The following PIEZO1 variants were observed in gnomAD, a reference collection of about 807,000 sequenced individuals.
The protein encoded by PIEZO1 is piezo type mechanosensitive ion channel component 1 (Er blood group).
In PIEZO1, 296 loss-of-function variants were observed where a neutral mutation model predicts 297.2. That is an observed-to-expected ratio of 1.00 (90% CI 0.91 to 1.10). PIEZO1 has a LOEUF of 1.10. Among genes scored for constraint, PIEZO1 ranks in the 50% least tolerant of loss-of-function variants. The probability of loss-of-function intolerance (pLI) is 0.00; values close to 1 mark genes in which losing one functional copy is unlikely to be tolerated. For synonymous variants in PIEZO1, 2,427 were observed against 1,507.5 expected, an observed-to-expected ratio of 1.61 and a Z score of -14.13; for missense variants, 5,018 against 3,455.5, an observed-to-expected ratio of 1.45 and a Z score of -11.34.
Position 88,723,273 on chromosome 16 carries a change from T to G in PIEZO1, c.4391A>C (p.Gln1464Pro). 6.5e-7 allele frequency: 1 copy of G among 1,543,182 alleles called. No individual in the cohort carries two copies. The highest frequency in any genetic ancestry group is 2.4e-5 in the East Asian group (1 of 40,918). The change falls in exon 32 of 51, where the codon CAG (glutamine) becomes CCG (proline). Residue 1464 changes from glutamine to proline, a missense_variant. Transcript: ENST00000301015. Reference protein sequence around the residue: ...NAQAVLRRRQQEQEQARQEQA... With the variant: ...NAQAVLRRRQPEQEQARQEQA... ...TTCCTGCCTTGCCTGCTCCTGCTCC[T>G]GCTGCCGCCGCCTCAGCACCGCCTG...
At position 88,725,766 on chromosome 16, in the gene PIEZO1, G is replaced by A. The variant is rs372581707; in HGVS notation, c.3969-82C>T. 1.0e-4 allele frequency: 80 copies of A among 762,880 alleles called. No homozygotes were observed. In the East Asian group the frequency reaches 1.2e-3, roughly 12 times the overall value. 47.3% of individuals were successfully genotyped at this position (762,880 alleles called of 1,614,324 possible). ...GCAGCCGCCGCTCCCCGCTCAGCCC[G>A]GGACAGCTCAGCCTGCTCCTCTCTG... On this transcript the variant is annotated intron_variant, in intron 27 of 50. Coordinates refer to ENST00000301015, the MANE Select transcript of PIEZO1 (RefSeq NM_001142864.4).
rs191467831 is a variant in PIEZO1, at chr16:88,734,305, G to C, written c.2180+51C>G. The C allele has an allele frequency of 2.8e-6, 4 of 1,434,480 alleles. No homozygotes were observed. The African/African-American group carries it at 4.3e-5, about 15-fold the overall frequency. The allele number at this position is 1,434,480 out of a possible 1,614,324, so 88.9% of individuals were successfully genotyped here. On this transcript the variant is annotated intron_variant, in intron 16 of 50. Transcript: ENST00000301015. ...CAACTCCCACCTGGCTCCCTCCCTG[G>C]CCCAGGAGGCTACACCTCTCCAGGG...
intron 1 of PIEZO1, among the ~76,000 whole-genome samples, chr16:88,770,101 T>A (rs1467661307): frequency 1.3e-5 from 2 of 152,122 alleles, no homozygotes; most frequent in African/African-American, 4.8e-5. Flanking sequence ...GTGTTCTCCC[T>A]GCCCACACGC....
rs755136728 is a variant in PIEZO1 at position 88,742,137 on chromosome 16, G to A, written c.284-42C>T. The A allele has an allele frequency of 2.2e-5, 34 of 1,533,916 alleles. No homozygotes were observed. In the South Asian group the frequency reaches 3.8e-4, roughly 17 times the overall value. On this transcript the variant is annotated intron_variant, in intron 3 of 50. Transcript: ENST00000301015. ...GGGAACCCAGGTCAGGCTCTGCCCA[G>A]CCAGCACCGTGGCCTGGTCATCCCT... is the stretch of plus-strand genomic sequence containing the variant.
At chr16:88,730,392 G>T (rs1904721174) in intron 22 of PIEZO1, among the ~76,000 whole-genome samples, 1 of 151,974 alleles carries the variant, frequency 6.6e-6, no homozygotes, top group Non-Finnish European at 1.5e-5. Flanking sequence ...GAGGTCAGGA[G>T]TTCAAGACCA....
Position 88,720,644 on chromosome 16 carries a change from GC to G in PIEZO1, c.5772del (p.Arg1925GlyfsTer85), listed in dbSNP as rs1194219351. 1.2e-5 allele frequency: 18 copies of G among 1,535,958 alleles called. No homozygotes were observed. Among genetic ancestry groups the G allele is most frequent in the Non-Finnish European group, 1.4e-5 (16 of 1,140,626 alleles). On this transcript the variant is annotated frameshift_variant, in exon 40 of 51. Transcript: ENST00000301015. LOFTEE classifies it high-confidence loss of function. ...GACAGGCAGAAGCCCTGCAGCCGCC[GC>G]CCGGCCGCCCTTACTCTTCCTCCAG... Reference protein sequence around the residue: ...SRSGGRVRAAGRRLQGFCLSL... With the variant: ...SRSGGRVRAAXRRLQGFCLSL...
chr16:88,752,230 C>T (rs1307768733), intron 1 of PIEZO1, among the ~76,000 whole-genome samples: 4 of 152,218 alleles, frequency 2.6e-5, no homozygotes, highest in South Asian at 4.1e-4. Flanking sequence ...GGCCTGTAAT[C>T]CCAGCACTTT....
intron 1 of PIEZO1, among the ~76,000 whole-genome samples, chr16:88,779,421 A>T (rs1375994737): frequency 6.6e-6 from 1 of 152,126 alleles, no homozygotes; most frequent in East Asian, 1.9e-4. Flanking sequence ...TGTGCTCAGC[A>T]TCGCGCTTTG....
At chr16:88,779,100 G>A (rs574588666) in intron 1 of PIEZO1, among the ~76,000 whole-genome samples, 36 of 149,848 alleles carry the variant, frequency 2.4e-4, no homozygotes, top group Non-Finnish European at 4.7e-4. Context: ...GGAGTGCAGT[G>A]GCACGACTGT....
chr16:88,743,210 G>T (rs1292334137), intron 2 of PIEZO1: 1 of 456,452 alleles, frequency 2.2e-6, no homozygotes, highest in East Asian at 7.0e-5. Context: ...GGCGCACCCT[G>T]TGGCTGGGGG....
intron 1 of PIEZO1, among the ~76,000 whole-genome samples, chr16:88,784,489 C>CT (rs113478686): frequency 0.2 from 29,665 of 149,316 alleles, 3,079 homozygotes; most frequent in Middle Eastern, 0.3. Context: ...CAACTTTGCG[C>CT]TTTTTTTTTT....
chr16:88,730,657 C>T (rs903357060), intron 22 of PIEZO1, among the ~76,000 whole-genome samples: 4 of 151,448 alleles, frequency 2.6e-5, no homozygotes, highest in Non-Finnish European at 4.4e-5. Flanking sequence ...GTTTCAAACT[C>T]CTGGCCTCAA....
intron 12 of PIEZO1, among the ~76,000 whole-genome samples, chr16:88,735,851 T>C (rs1049258545): frequency 1.6e-4 from 24 of 151,922 alleles, no homozygotes; most frequent in South Asian, 8.3e-4. Context: ...GCATAGCCCA[T>C]GCTCACACAC....
chr16:88,781,026 G>C (rs970887901), intron 1 of PIEZO1, among the ~76,000 whole-genome samples: 7 of 152,214 alleles, frequency 4.6e-5, no homozygotes, highest in Non-Finnish European at 8.8e-5. Flanking sequence ...ACATTTTGTT[G>C]AATTGAAAAG....
chr16:88,742,423 C>G lies in PIEZO1; in HGVS notation c.161-1G>C. ...GCCCGCAGGAGGCGGCCTGTGTGACCTGCGGCAGAGCGAGTGGGTGAGGCT... is the reference window on the plus strand; with the variant it reads ...GCCCGCAGGAGGCGGCCTGTGTGACGTGCGGCAGAGCGAGTGGGTGAGGCT... On this transcript the variant is annotated splice_acceptor_variant, in intron 2 of 50. Transcript: ENST00000301015. LOFTEE classifies it high-confidence loss of function. 6.5e-7 allele frequency: 1 copy of G among 1,534,490 alleles called. No homozygotes were observed. The highest frequency in any genetic ancestry group is 8.7e-7 in the Non-Finnish European group (1 of 1,146,502).
chr16:88,734,394 C>G lies in PIEZO1; in HGVS notation c.2142G>C (p.Val714=), dbSNP rs1425411499. ...GCGGGAGGCGCGTGCCAGGCAGGGA[C>G]ACGTGCTCCATGTCGGTGAGCTGCA... The part of the protein sequence containing the change: ...PFMQLTDMEH[V]SLPGTRLPRW... Residue 714 remains valine, a synonymous_variant, in exon 16 of 51, where the codon GTG becomes GTC. Coordinates refer to ENST00000301015, the MANE Select transcript of PIEZO1 (RefSeq NM_001142864.4). 1.9e-6 allele frequency: 3 copies of G among 1,547,966 alleles called. No individual in the cohort carries two copies. Among genetic ancestry groups the G allele is most frequent in the East Asian group, 2.4e-5 (1 of 40,888 alleles).
At chr16:88,778,926 C>CG (rs1283957386) in intron 1 of PIEZO1, among the ~76,000 whole-genome samples, 1 of 151,784 alleles carries the variant, frequency 6.6e-6, no homozygotes, top group Non-Finnish European at 1.5e-5. Context: ...ACCCAGAGAG[C>CG]GGGGGCAGGT....
chr16:88,769,242 G>A (rs942683552), intron 1 of PIEZO1, among the ~76,000 whole-genome samples: 4 of 152,136 alleles, frequency 2.6e-5, no homozygotes, highest in African/African-American at 7.2e-5. Flanking sequence ...ATAATGACGG[G>A]GGTCTCACTA....
intron 2 of PIEZO1, among the ~76,000 whole-genome samples, chr16:88,748,489 C>G (rs1436577070): frequency 1.3e-4 from 1 of 7,944 alleles, no homozygotes; most frequent in Non-Finnish European, 1.9e-4. Context: ...GGTCTCAGCT[C>G]CCCCCCCCCC....
Sources: allele counts gnomAD v4.1 joint callset (sites outside exome capture counted in the v4.1 genomes callset), GRCh38; gene constraint gnomAD v4.1.1; transcripts MANE v1.5; gene names NCBI Gene and HGNC (gene_info 2026-07-23, HGNC 2026-07-21).